TSC1: variants seen among roughly 807,000 people sequenced by gnomAD.
TSC1 encodes hamartin.
In TSC1, 20 loss-of-function variants were observed where a neutral mutation model predicts 124.3. The observed-to-expected ratio is 0.16, with a 90% CI of 0.11 to 0.23. TSC1 has a LOEUF of 0.23. TSC1 is among the 10% of genes least tolerant of loss of function. The probability of loss-of-function intolerance (pLI) is 1.00; values close to 1 mark genes in which losing one functional copy is unlikely to be tolerated. For missense variants in TSC1, 1,124 were observed against 1,448.5 expected (o/e 0.78, Z 3.64); for synonymous variants, 493 against 539.1 (o/e 0.91, Z 1.19).
chr9:132,928,062 G>T (rs1846986761), intron 3 of TSC1, among the ~76,000 whole-genome samples: 1 of 152,100 alleles, frequency 6.6e-6, no homozygotes, highest in African/African-American at 2.4e-5. Context: ...GCATGTGTGT[G>T]TTTTTTCCAC....
chr9:132,900,648 G>A (rs1175968336), intron 20 of TSC1, 67 bp downstream of exon 20: 17 of 1,608,580 alleles, frequency 1.1e-5, no homozygotes, highest in African/African-American at 1.3e-5. Context: ...TATGCCATGC[G>A]GGAGACATAC....
At chr9:132,925,235 T>G (rs1846787425) in intron 5 of TSC1, among the ~76,000 whole-genome samples, 1 of 152,196 alleles carries the variant, frequency 6.6e-6, no homozygotes, top group South Asian at 2.1e-4. Context: ...ATTTTTCTAT[T>G]AGCTAAAAGA....
chr9:132,937,776 T>C (rs1174485007), intron 1 of TSC1, among the ~76,000 whole-genome samples: 2 of 152,138 alleles, frequency 1.3e-5, no homozygotes, highest in African/African-American at 2.4e-5. Context: ...GGCCTAATCA[T>C]GACTCATGGT....
At chr9:132,907,434 TGTAAA>T (rs1845732913) in intron 12 of TSC1, 64 bp from the exon 13 acceptor site, 1 of 1,332,210 alleles carries the variant, frequency 7.5e-7, no homozygotes, top group Non-Finnish European at 1.1e-6. Flanking sequence ...TCGAGCATAT[TGTAAA>T]GTAGTTTAAA....
chr9:132,927,714 A>C (rs1160789246), intron 3 of TSC1, among the ~76,000 whole-genome samples: 1 of 151,940 alleles, frequency 6.6e-6, no homozygotes, highest in African/African-American at 2.4e-5. Flanking sequence ...TTTACTAGAG[A>C]TGGGGTTTCA....
At position 132,901,697 on chromosome 9, in the gene TSC1, C is replaced by T. The variant is rs1060504860; in HGVS notation, c.2394G>A (p.Thr798=). ...EFYNQSQELQ[T]KLEDCRNMIA... is the part of the protein sequence containing the mutation. Reference sequence around the variant, plus strand: ...TCATGTTCCTGCAGTCCTCCAGCTTCGTCTGCCCAAAGAGACGTGGACATG... The same window carrying T: ...TCATGTTCCTGCAGTCCTCCAGCTTTGTCTGCCCAAAGAGACGTGGACATG... Residue 798 remains threonine (T), a splice_region_variant and synonymous_variant, in exon 19 of 23, where the codon ACG becomes ACA. Transcript: ENST00000298552. The T allele has an allele frequency of 4.3e-6, 7 of 1,613,716 alleles. No homozygotes were observed. The highest frequency in any genetic ancestry group is 1.6e-4 in the Middle Eastern group (1 of 6,084).
chr9:132,912,900 T>C (rs7865232), intron 8 of TSC1: 24,385 of 171,958 alleles, frequency 0.14, 1,857 homozygotes, highest in African/African-American at 0.21. Context: ...AGAAACAGAG[T>C]ATAAAAAGAC....
intron 18 of TSC1, 96 bp from the exon 19 acceptor site, chr9:132,901,795 T>G: frequency 9.6e-7 from 1 of 1,044,198 alleles, no homozygotes; most frequent in East Asian, 2.4e-5. Flanking sequence ...TGGGAATGCC[T>G]TAGCTCAACG....
In TSC1 at chr9:132,896,441, G is replaced by A. The variant is rs779599439; in HGVS notation, c.3289C>T (p.Arg1097Cys). The A allele has an allele frequency of 8.1e-6, 13 of 1,614,056 alleles. No individual in the cohort carries two copies. Among genetic ancestry groups the A allele is most frequent in the South Asian group, 5.5e-5 (5 of 91,076 alleles). ...TCACACTGGCTCTCGCTCTTATTAC[G>A]AAATAACTCTCGAGCCTTCATACCC... Reference protein sequence around the residue: ...FLGMKARELFRNKSESQCDED... With the variant: ...FLGMKARELFCNKSESQCDED... Residue 1097 changes from arginine to cysteine, a missense_variant, in exon 23 of 23, where the codon CGT (arginine) becomes TGT (cysteine). By Grantham distance (180) the Arg-to-Cys change is radical (BLOSUM62 -3). Around this residue, in one of 5 missense-constraint regions of TSC1, gnomAD observed 325 missense variants for 383.4 expected, o/e 0.85. Coordinates refer to ENST00000298552, the MANE Select transcript of TSC1 (RefSeq NM_000368.5). The surrounding 1 kb of genome is among the most constrained non-coding windows in gnomAD (Gnocchi z 4.5).
intron 2 of TSC1, among the ~76,000 whole-genome samples, chr9:132,930,655 A>G (rs984640634): frequency 6.0e-5 from 9 of 151,204 alleles, no homozygotes; most frequent in Admixed American, 4.6e-4. Context: ...AATTTAAATT[A>G]GCCATGACCC....
rs1588313030 is a variant in TSC1, at chr9:132,906,830, G to C, written c.1339C>G (p.Pro447Ala). The C allele has an allele frequency of 1.2e-6, 2 of 1,613,928 alleles. No individual in the cohort carries two copies. Among genetic ancestry groups the C allele is most frequent in the Non-Finnish European group, 1.7e-6 (2 of 1,179,940 alleles). The change falls in exon 14 of 23, where the codon CCA becomes GCA. Residue 447 changes from proline to alanine, a missense_variant. Pro to Ala is a conservative substitution (Grantham distance 27, BLOSUM62 -1). This residue lies in a region of TSC1 where 463 missense variants were observed against 606.8 expected (regional missense o/e 0.76). Coordinates refer to ENST00000298552, the MANE Select transcript of TSC1 (RefSeq NM_000368.5). This position sits in a 1 kb window ranked among gnomAD's most constrained non-coding sequence, Gnocchi z 4.1. ...GTGACAGAACCTTTGCTGCCAGGTG[G>C]CTCTTCTGAAGAGAAACAAAGACAA... Reference protein sequence around the residue: ...HLLNDRGSEEPPGSKGSVTLS... With the variant: ...HLLNDRGSEEAPGSKGSVTLS...
chr9:132,920,335 A>G (rs564740603), intron 8 of TSC1, among the ~76,000 whole-genome samples: 1 of 152,334 alleles, frequency 6.6e-6, no homozygotes, highest in South Asian at 2.1e-4. Context: ...ACTACAAAGA[A>G]AAGCAAGAGA....
intron 6 of TSC1, 43 bp from the exon 7 acceptor site, chr9:132,922,016 A>G (rs2132164628): frequency 6.2e-7 from 1 of 1,613,538 alleles, no homozygotes; most frequent in Non-Finnish European, 8.5e-7. Flanking sequence ...AGTTGGAGAC[A>G]GATTGAGGAG....
intron 12 of TSC1, 55 bp downstream of exon 12, chr9:132,910,516 T>C (rs1564487058): frequency 1.9e-6 from 3 of 1,613,670 alleles, no homozygotes; most frequent in East Asian, 2.2e-5. Flanking sequence ...AAAGTGAGGC[T>C]TGCAAGTGAG....
Position 132,928,825 on chromosome 9 carries a change from G to T in TSC1, c.48C>A (p.Ser16=). 1 of 1,614,202 alleles carries T rather than the reference G, an allele frequency of 6.2e-7. No individual in the cohort carries two copies. The highest frequency in any genetic ancestry group is 8.5e-7 in the Non-Finnish European group (1 of 1,180,052). The change falls in exon 3 of 23, where the codon TCC becomes TCA. Residue 16 remains serine (S), a synonymous_variant. Transcript: ENST00000298552. ...NVGELLAMLD[S]PMLGVRDDVT... is the part of the protein sequence containing the mutation. ...CGTCGTCCCGCACACCCAGCATGGG[G>T]GAGTCCAGCATGGCAAGAAGCTCCC...
intron 5 of TSC1, 76 bp downstream of exon 5, chr9:132,925,511 C>T (rs2132226490): frequency 6.3e-7 from 1 of 1,581,200 alleles, no homozygotes; most frequent in Middle Eastern, 1.7e-4. Context: ...ATCTAGCTTC[C>T]TTGCTTTAAG....
intron 9 of TSC1, 141 bp downstream of exon 9, chr9:132,912,141 G>C: frequency 2.1e-6 from 2 of 937,988 alleles, no homozygotes; most frequent in Non-Finnish European, 3.3e-6. Context: ...AAAATGGAGG[G>C]ACATGCAAAT....
At chr9:132,943,399 C>T (rs1847849427) in intron 1 of TSC1, 1 of 152,106 alleles carries the variant, frequency 6.6e-6, no homozygotes, top group Non-Finnish European at 1.5e-5. Flanking sequence ...CAAGTGCATC[C>T]CCCCACTTCA....
intron 2 of TSC1, among the ~76,000 whole-genome samples, chr9:132,932,102 A>C (rs1488486712): frequency 6.6e-6 from 1 of 152,228 alleles, no homozygotes; most frequent in African/African-American, 2.4e-5. Context: ...AACTGGGTGA[A>C]TGGATTTCTG....
Sources: gnomAD v4.1 joint callset for allele counts (sites outside exome capture counted in the v4.1 genomes callset) on GRCh38, gnomAD v4.1.1 for gene constraint, gnomAD v4.1.1 regional missense constraint, Gnocchi (gnomAD v3.1) non-coding constraint, MANE v1.5 for transcripts, NCBI Gene and HGNC (gene_info 2026-07-23, HGNC 2026-07-21) for gene names.